PCBP3: variants seen among roughly 807,000 people sequenced by gnomAD.
PCBP3 encodes poly(rC) binding protein 3.
PCBP3 carries 25 observed loss-of-function variants against 52.7 expected under a neutral mutation model. The ratio of observed to expected loss-of-function variants is 0.47; its 90% CI spans 0.35 to 0.66. The LOEUF is 0.66. Among genes scored for constraint, PCBP3 ranks in the 30% least tolerant of loss-of-function variants. The pLI is 0.01. For missense variants in PCBP3, 391 were observed against 490.3 expected (o/e 0.80, Z 1.91); for synonymous variants, 162 against 183.0 (o/e 0.89, Z 0.93).
At chr21:45,750,395 A>AACCCC (rs2087334344) in intron 3 of PCBP3, 1 of 87,684 alleles carries the variant, frequency 1.1e-5, no homozygotes, top group African/African-American at 3.8e-5. Context: ...CTGGGAGCAG[A>AACCCC]CCCCCCCCCC....
At chr21:45,743,427 C>A (rs924404824) in intron 3 of PCBP3, among the ~76,000 whole-genome samples, 8 of 151,982 alleles carry the variant, frequency 5.3e-5, no homozygotes, top group Admixed American at 3.9e-4. Context: ...TTTTTAAAAT[C>A]AAAAAAGTTG....
At chr21:45,742,065 G>A (rs2086490620) in intron 3 of PCBP3, among the ~76,000 whole-genome samples, 1 of 152,194 alleles carries the variant, frequency 6.6e-6, no homozygotes, top group Non-Finnish European at 1.5e-5. Context: ...GGTTTCCCAT[G>A]TTGTGGATCT....
At position 45,867,216 on chromosome 21, in the gene PCBP3, C is replaced by T. The variant is rs558132529; in HGVS notation, c.10+17121C>T. On this transcript the variant is annotated intron_variant, in intron 5 of 17. Transcript: ENST00000681687. ...GGAAGGCGGCGGACGGAACAAAACGCGGGCACGCAACGGCTGCTGCGCCGG... is the reference window on the plus strand; with the variant it reads ...GGAAGGCGGCGGACGGAACAAAACGTGGGCACGCAACGGCTGCTGCGCCGG... Among the ~76,000 whole-genome samples the T allele has an allele frequency of 2.0e-3, 302 of 152,348 alleles. 1 individual carries two copies. The highest frequency in any genetic ancestry group is 7.1e-3 in the African/African-American group (295 of 41,580).
intron 2 of PCBP3, among the ~76,000 whole-genome samples, chr21:45,669,801 G>GTATA (rs1385598083): frequency 9.3e-4 from 64 of 68,986 alleles, no homozygotes; most frequent in South Asian, 2.1e-3. Flanking sequence ...GTGTGTGTGT[G>GTATA]TGTGTATATA....
chr21:45,917,966 G>A lies in PCBP3; in HGVS notation c.717+337G>A, dbSNP rs188607220. On this transcript the variant is annotated intron_variant, in intron 13 of 17. Coordinates refer to ENST00000681687, the MANE Select transcript of PCBP3 (RefSeq NM_001384156.1). The surrounding 1 kb of genome is among the most constrained non-coding windows in gnomAD (Gnocchi z 5.3). ...ATGTGCTCACCCGCCACAGGCAGGC[G>A]TCAGTGATACTTTCTCTGCGCCTAA... 113 of 345,040 alleles carry A rather than the reference G, an allele frequency of 3.3e-4. No individual in the cohort carries two copies. The highest frequency in any genetic ancestry group is 7.0e-4 in the Admixed American group (17 of 24,170). The allele number at this position is 345,040 out of a possible 1,614,324, so 21.4% of individuals were successfully genotyped here.
intron 2 of PCBP3, among the ~76,000 whole-genome samples, chr21:45,686,404 A>T (rs1448300791): frequency 1.3e-5 from 2 of 152,232 alleles, no homozygotes; most frequent in African/African-American, 4.8e-5. Context: ...AACAAAGCTT[A>T]AAAAAGCTGA....
intron 4 of PCBP3, among the ~76,000 whole-genome samples, chr21:45,765,518 C>T (rs1242571729): frequency 6.6e-6 from 1 of 152,232 alleles, no homozygotes; most frequent in East Asian, 1.9e-4. Flanking sequence ...CGGGCTGGGC[C>T]TGCCAGACCC....
chr21:45,753,952 A>G (rs2087785359), intron 3 of PCBP3, among the ~76,000 whole-genome samples: 2 of 152,140 alleles, frequency 1.3e-5, no homozygotes. Context: ...ATTTGTTTCC[A>G]CTTTTACCAC....
At chr21:45,911,498 G>A (rs1035059596) in intron 11 of PCBP3, among the ~76,000 whole-genome samples, 5 of 152,114 alleles carry the variant, frequency 3.3e-5, no homozygotes, top group Admixed American at 1.3e-4. Context: ...GTCAAAACTC[G>A]GGAAAACATA....
intron 2 of PCBP3, among the ~76,000 whole-genome samples, chr21:45,676,538 G>C (rs952358523): frequency 2.0e-5 from 3 of 151,896 alleles, no homozygotes; most frequent in African/African-American, 7.3e-5. Context: ...GTTATCTGTG[G>C]TCAGCGATCT....
intron 2 of PCBP3, among the ~76,000 whole-genome samples, chr21:45,702,132 A>G (rs2083165169): frequency 1.3e-5 from 2 of 152,320 alleles, no homozygotes; most frequent in South Asian, 4.1e-4. Flanking sequence ...TCAAAACTTG[A>G]CAGGTGGTAG....
chr21:45,841,158 A>C lies in PCBP3; in HGVS notation c.-125-8803A>C, dbSNP rs552569368. Among the ~76,000 whole-genome samples the C allele has an allele frequency of 4.0e-4, 61 of 152,344 alleles. No homozygotes were observed. In the South Asian group the frequency reaches 7.3e-3, roughly 18 times the overall value. ...TTGCACAGTGATGAAATCACCTAAA[A>C]GTGCATTTCTCAGAACGTATTCTCG... is the stretch of plus-strand genomic sequence containing the variant. On this transcript the variant is annotated intron_variant, in intron 4 of 17. Coordinates refer to ENST00000681687, the MANE Select transcript of PCBP3 (RefSeq NM_001384156.1).
At chr21:45,782,472 A>T (rs2090713650) in intron 4 of PCBP3, among the ~76,000 whole-genome samples, 1 of 152,212 alleles carries the variant, frequency 6.6e-6, no homozygotes, top group Non-Finnish European at 1.5e-5. Context: ...ATTGGGAGGC[A>T]GTTCAGTGCA....
intron 7 of PCBP3, among the ~76,000 whole-genome samples, chr21:45,899,961 G>A (rs1021113598): frequency 7.3e-6 from 1 of 137,816 alleles, no homozygotes; most frequent in Admixed American, 7.1e-5. Context: ...GTGTAGTCTG[G>A]GTGGTCTCCA....
At chr21:45,924,052 G>A (rs67288906) in intron 13 of PCBP3, among the ~76,000 whole-genome samples, 342 of 27,866 alleles carry the variant, frequency 0.012, no homozygotes, top group African/African-American at 0.021. Context: ...AGTCGAGTGG[G>A]TAGAAACAGC....
chr21:45,774,061 G>A (rs1312094755), intron 4 of PCBP3, among the ~76,000 whole-genome samples: 1 of 152,068 alleles, frequency 6.6e-6, no homozygotes, highest in Non-Finnish European at 1.5e-5. Context: ...TGCTGATTTT[G>A]TATGTTGATT....
At position 45,735,749 on chromosome 21, in the gene PCBP3, G is replaced by A. The variant is rs1419816334; in HGVS notation, c.-162+320G>A. 1.3e-5 allele frequency among the ~76,000 whole-genome samples: 2 copies of A among 152,214 alleles called. No individual in the cohort carries two copies. Among genetic ancestry groups the A allele is most frequent in the East Asian group, 3.9e-4 (2 of 5,194 alleles). ...ACCAGCAGGAGCTGGAGGGCCAGTTGTTAGTGCACTTGGAGCCTACTGCAC... is the reference window on the plus strand; with the variant it reads ...ACCAGCAGGAGCTGGAGGGCCAGTTATTAGTGCACTTGGAGCCTACTGCAC... On this transcript the variant is annotated intron_variant, in intron 3 of 17. Coordinates refer to ENST00000681687, the MANE Select transcript of PCBP3 (RefSeq NM_001384156.1). The surrounding 1 kb of genome is among the most constrained non-coding windows in gnomAD (Gnocchi z 4.0).
At chr21:45,875,252 C>T (rs181394874) in intron 5 of PCBP3, among the ~76,000 whole-genome samples, 1,621 of 151,930 alleles carry the variant, frequency 0.011, 19 homozygotes, top group African/African-American at 0.035. Context: ...CCGTGCTGCG[C>T]GCTCCGGCTG....
intron 4 of PCBP3, among the ~76,000 whole-genome samples, chr21:45,780,882 A>C (rs2090587983): frequency 6.6e-6 from 1 of 152,090 alleles, no homozygotes; most frequent in Non-Finnish European, 1.5e-5. Flanking sequence ...AGGGAATTTT[A>C]GTTTGTGGGT....
Sources: allele counts gnomAD v4.1 joint callset (sites outside exome capture counted in the v4.1 genomes callset), GRCh38; gene constraint gnomAD v4.1.1; non-coding constraint Gnocchi (gnomAD v3.1); transcripts MANE v1.5; gene names NCBI Gene and HGNC (gene_info 2026-07-23, HGNC 2026-07-21).